Variants in MAPK10 observed in about 807,000 individuals in gnomAD.
The protein encoded by MAPK10 is mitogen-activated protein kinase 10, also known as JNK3 alpha protein kinase.
MAPK10 carries 25 observed loss-of-function variants against 59.3 expected under a neutral mutation model. That is an observed-to-expected ratio of 0.42 (90% CI 0.31 to 0.59). The LOEUF (loss-of-function observed/expected upper bound fraction) is 0.59. MAPK10 is among the 20% of genes least tolerant of loss of function. The probability of loss-of-function intolerance (pLI) is 0.15; values close to 1 mark genes in which losing one functional copy is unlikely to be tolerated. For missense variants in MAPK10, 351 were observed against 568.9 expected (o/e 0.62, Z 3.90); for synonymous variants, 190 against 200.5 (o/e 0.95, Z 0.44).
chr4:86,380,942 G>A (rs1455804802), intron 1 of MAPK10, among the ~76,000 whole-genome samples: 1 of 151,706 alleles, frequency 6.6e-6, no homozygotes, highest in Non-Finnish European at 1.5e-5. Context: ...CCGAAGCAGA[G>A]CTGGGAACTG....
chr4:86,175,325 C>T (rs1328452777), intron 3 of MAPK10, among the ~76,000 whole-genome samples: 1 of 152,082 alleles, frequency 6.6e-6, no homozygotes, highest in Admixed American at 6.6e-5. Context: ...GAATCTGAAA[C>T]ACTAAAGCCA....
intron 2 of MAPK10, among the ~76,000 whole-genome samples, chr4:86,205,723 T>G (rs2083670832): frequency 1.3e-5 from 2 of 152,018 alleles, no homozygotes. Flanking sequence ...TCTTGTCATA[T>G]TCAGTAGATA....
chr4:86,590,721 G>C (rs984380892), intron 1 of MAPK10, among the ~76,000 whole-genome samples: 1 of 152,092 alleles, frequency 6.6e-6, no homozygotes, highest in Non-Finnish European at 1.5e-5. Context: ...AGGAGGTTGA[G>C]GCTGCAGTGA....
At chr4:86,565,094 C>T (rs1013527030) in intron 1 of MAPK10, among the ~76,000 whole-genome samples, 4 of 152,178 alleles carry the variant, frequency 2.6e-5, no homozygotes, top group African/African-American at 7.2e-5. Context: ...CATGTTCACT[C>T]AGAATGTGAG....
At chr4:86,076,856 G>A (rs2049598937) in intron 9 of MAPK10, among the ~76,000 whole-genome samples, 1 of 152,174 alleles carries the variant, frequency 6.6e-6, no homozygotes, top group South Asian at 2.1e-4. Flanking sequence ...GAATTTATTT[G>A]CTTTAGAATA....
At chr4:86,477,109 G>A (rs910291810) in intron 1 of MAPK10, among the ~76,000 whole-genome samples, 2 of 152,160 alleles carry the variant, frequency 1.3e-5, no homozygotes, top group Non-Finnish European at 2.9e-5. Context: ...CATCACAGAT[G>A]CTCTAGATAA....
intron 1 of MAPK10, among the ~76,000 whole-genome samples, chr4:86,533,412 T>A (rs139529540): frequency 1.5e-4 from 23 of 152,332 alleles, no homozygotes; most frequent in African/African-American, 4.3e-4. Flanking sequence ...AATTTTGCTA[T>A]GTATATACCA....
At chr4:86,331,953 A>C (rs1464734069) in intron 2 of MAPK10, among the ~76,000 whole-genome samples, 1 of 152,160 alleles carries the variant, frequency 6.6e-6, no homozygotes, top group Non-Finnish European at 1.5e-5. Flanking sequence ...TTATAACTAC[A>C]TTTCATTTAA....
chr4:86,161,679 T>C (rs1033832610), intron 3 of MAPK10, among the ~76,000 whole-genome samples: 1 of 152,068 alleles, frequency 6.6e-6, no homozygotes, highest in African/African-American at 2.4e-5. Flanking sequence ...ACACAAAATC[T>C]TTAGCACACA....
intron 2 of MAPK10, among the ~76,000 whole-genome samples, chr4:86,302,728 G>T (rs1191947134): frequency 6.6e-6 from 1 of 152,136 alleles, no homozygotes; most frequent in Non-Finnish European, 1.5e-5. Context: ...ATGTAATTGT[G>T]CAGAATACCT....
intron 1 of MAPK10, among the ~76,000 whole-genome samples, chr4:86,480,217 T>C (rs2149070482): frequency 6.6e-6 from 1 of 152,100 alleles, no homozygotes; most frequent in South Asian, 2.1e-4. Flanking sequence ...ACAAAAGAAG[T>C]GAAAATGGCC....
chr4:86,182,629 C>G (rs1452667020), intron 3 of MAPK10, among the ~76,000 whole-genome samples: 1 of 152,062 alleles, frequency 6.6e-6, no homozygotes, highest in Non-Finnish European at 1.5e-5. Flanking sequence ...AGAAAGAAAA[C>G]CCCAATACAT....
At position 86,468,043 on chromosome 4, in the gene MAPK10, T is replaced by C. The variant is rs143085949; in HGVS notation, c.-262-113399A>G. 4.3e-3 allele frequency among the ~76,000 whole-genome samples: 660 copies of C among 152,348 alleles called. 5 individuals carry two copies. The highest frequency in any genetic ancestry group is 0.015 in the African/African-American group (623 of 41,596). On this transcript the variant is annotated intron_variant, in intron 1 of 4. Transcript: ENST00000502302. ...CGGTCGGCCAGAACAAAATGCTTGC[T>C]AACCAGAAACTTTGCTTTAGCTTCT...
intron 1 of MAPK10, among the ~76,000 whole-genome samples, chr4:86,491,643 C>T (rs917229411): frequency 6.6e-6 from 1 of 152,196 alleles, no homozygotes; most frequent in Non-Finnish European, 1.5e-5. Context: ...TAAATCGAAG[C>T]ATATAGGTCC....
chr4:86,194,356 C>A lies in MAPK10; in HGVS notation c.46G>T (p.Val16Leu). 6.2e-7 allele frequency: 1 copy of A among 1,613,626 alleles called. No homozygotes were observed. Among genetic ancestry groups the A allele is most frequent in the Non-Finnish European group, 8.5e-7 (1 of 1,179,602 alleles). Residue 16 changes from valine to leucine, a missense_variant, in exon 3 of 14, where the codon GTG becomes TTG. Transcript: ENST00000641462. ...CACACCTGACAAAAGGCAATTTTCACATCCAATGTTGGTTCACTGCAGTAG... is the reference window on the plus strand; with the variant it reads ...CACACCTGACAAAAGGCAATTTTCAAATCCAATGTTGGTTCACTGCAGTAG... ...LYYCSEPTLD[V>L]KIAFCQGFDK...
At chr4:86,488,650 C>A (rs1754222640) in intron 1 of MAPK10, among the ~76,000 whole-genome samples, 1 of 152,136 alleles carries the variant, frequency 6.6e-6, no homozygotes, top group Non-Finnish European at 1.5e-5. Flanking sequence ...CCTGTAGATA[C>A]CTCCAGAGTT....
chr4:86,436,897 A>C (rs774080589), intron 1 of MAPK10, among the ~76,000 whole-genome samples: 1 of 152,094 alleles, frequency 6.6e-6, no homozygotes, highest in Non-Finnish European at 1.5e-5. Context: ...TCAGAGAAAA[A>C]GTTTTCAATA....
At position 86,546,509 on chromosome 4, in the gene MAPK10, A is replaced by T. The variant is rs552253539; in HGVS notation, c.-263+47401T>A. ...GAAGCGGAGGTTGCAGTGAGACGAG[A>T]TCGCGCTACTGCACTCCAGCCTGGG... On this transcript the variant is annotated intron_variant, in intron 1 of 4. Transcript: ENST00000502302. Among the ~76,000 whole-genome samples, 16 of 151,320 alleles carry T rather than the reference A, an allele frequency of 1.1e-4. No homozygotes were observed. The South Asian group carries it at 3.3e-3, about 32-fold the overall frequency.
At chr4:86,113,478 T>A (rs2057841663) in intron 4 of MAPK10, among the ~76,000 whole-genome samples, 1 of 152,180 alleles carries the variant, frequency 6.6e-6, no homozygotes, top group South Asian at 2.1e-4. Flanking sequence ...TTATGAAGAT[T>A]AGTGTGGCCA....
Sources: allele counts gnomAD v4.1 joint callset (sites outside exome capture counted in the v4.1 genomes callset), GRCh38; gene constraint gnomAD v4.1.1; transcripts MANE v1.5; gene names NCBI Gene and HGNC (gene_info 2026-07-23, HGNC 2026-07-21).